The following MAML2 variants were observed in gnomAD, a reference collection of about 807,000 sequenced individuals.
MAML2 encodes mastermind-like protein 2.
Under a neutral mutation model 96.1 loss-of-function variants are expected in MAML2, and 22 were observed. That is an observed-to-expected ratio of 0.23 (90% CI 0.16 to 0.33). The LOEUF (loss-of-function observed/expected upper bound fraction) is 0.33, where lower values mean the gene tolerates loss of function less well. Ranked by LOEUF, MAML2 falls within the 10% of genes least tolerant of loss-of-function variation. MAML2 has a pLI of 1.00. For missense variants in MAML2, 1,367 were observed against 1,392.4 expected, an observed-to-expected ratio of 0.98 and a Z score of 0.29; for synonymous variants, 561 against 521.3, an observed-to-expected ratio of 1.08 and a Z score of -1.04.
At chr11:96,031,189 T>C (rs986707552) in intron 2 of MAML2, among the ~76,000 whole-genome samples, 2 of 152,232 alleles carry the variant, frequency 1.3e-5, no homozygotes, top group Non-Finnish European at 2.9e-5. Flanking sequence ...CTCAACAAAT[T>C]TGTGCAATTA....
intron 2 of MAML2, among the ~76,000 whole-genome samples, chr11:96,090,626 A>G (rs767578704): frequency 1.6e-4 from 24 of 152,230 alleles, no homozygotes; most frequent in Non-Finnish European, 2.8e-4. Context: ...GTAAAAAAAC[A>G]TATGTGTGTA....
chr11:96,148,472 A>T (rs1021472519), intron 1 of MAML2, among the ~76,000 whole-genome samples: 1 of 151,702 alleles, frequency 6.6e-6, no homozygotes, highest in Non-Finnish European at 1.5e-5. Flanking sequence ...AAAAAAAAAA[A>T]GCCTAGGTGT....
chr11:96,200,059 G>C (rs1436206165), intron 1 of MAML2, among the ~76,000 whole-genome samples: 1 of 152,006 alleles, frequency 6.6e-6, no homozygotes, highest in Non-Finnish European at 1.5e-5. Context: ...ATCAACTCAG[G>C]TAAATTAAGA....
intron 1 of MAML2, among the ~76,000 whole-genome samples, chr11:96,194,975 T>C (rs2135924771): frequency 6.6e-6 from 1 of 152,332 alleles, no homozygotes; most frequent in South Asian, 2.1e-4. Flanking sequence ...GGAAAACAGA[T>C]TAAAAATATT....
At chr11:96,007,206 T>C (rs113005239) in intron 2 of MAML2, among the ~76,000 whole-genome samples, 30,126 of 148,552 alleles carry the variant, frequency 0.2, 3,254 homozygotes, top group East Asian at 0.37. Flanking sequence ...AGAGATGAGG[T>C]TTCACCATGT....
chr11:96,064,235 C>A (rs893399316), intron 2 of MAML2, among the ~76,000 whole-genome samples: 5 of 152,160 alleles, frequency 3.3e-5, no homozygotes, highest in African/African-American at 1.2e-4. Context: ...CAGTAATGAA[C>A]CATCTGTGTT....
intron 1 of MAML2, among the ~76,000 whole-genome samples, chr11:96,132,250 C>T (rs567211497): frequency 5.9e-5 from 9 of 152,116 alleles, no homozygotes; most frequent in South Asian, 2.1e-4. Context: ...TGTTGCAGTA[C>T]CTTTTACCCT....
At chr11:96,278,743 T>C (rs776057766) in intron 1 of MAML2, among the ~76,000 whole-genome samples, 4 of 152,192 alleles carry the variant, frequency 2.6e-5, no homozygotes, top group Non-Finnish European at 4.4e-5. Context: ...AGTAGTTTAA[T>C]TCAGCAATAC....
In MAML2 at chr11:96,342,962, G is replaced by A; in HGVS notation, c.-1067C>T. The A allele has an allele frequency of 2.6e-6, 1 of 385,272 alleles. No individual in the cohort carries two copies. Among genetic ancestry groups the A allele is most frequent in the Non-Finnish European group, 4.6e-6 (1 of 218,198 alleles). 23.9% of individuals were successfully genotyped at this position (385,272 alleles called of 1,614,324 possible). On this transcript the variant is annotated 5_prime_UTR_variant, in exon 1 of 5. Transcript: ENST00000524717. Reference sequence around the variant, plus strand: ...TCCAGCCACTTTTCTGTCCACTTTTGTACATTCCATCCCCGGCCAGTGGAT... The same window carrying A: ...TCCAGCCACTTTTCTGTCCACTTTTATACATTCCATCCCCGGCCAGTGGAT...
At position 95,985,503 on chromosome 11, in the gene MAML2, A is replaced by ATTTTTATTAAT; in HGVS notation, c.2455+17_2455+27dup. The stretch of plus-strand genomic sequence containing the variant: ...GTTTTTTTTTCCTTTCACAGCTATA[A>ATTTTTATTAAT]TTTTTATTAATTTTTAAGAACACTT... On this transcript the variant is annotated intron_variant, in intron 4 of 4. Transcript: ENST00000524717. 3.6e-6 allele frequency: 5 copies of ATTTTTATTAAT among 1,379,948 alleles called. 1 individual carries two copies. Among genetic ancestry groups the ATTTTTATTAAT allele is most frequent in the Non-Finnish European group, 5.0e-6 (5 of 997,220 alleles). 85.5% of individuals were successfully genotyped at this position (1,379,948 alleles called of 1,614,324 possible). A position where few individuals can be genotyped will look rare whatever the true frequency, so the allele number is the denominator to read the frequency against.
chr11:96,239,738 G>C (rs1241104824), intron 1 of MAML2, among the ~76,000 whole-genome samples: 1 of 152,152 alleles, frequency 6.6e-6, no homozygotes, highest in African/African-American at 2.4e-5. Context: ...ATGTCATAGA[G>C]CAGCAGTGGT....
intron 1 of MAML2, among the ~76,000 whole-genome samples, chr11:96,189,840 T>C (rs1383686385): frequency 1.3e-5 from 2 of 152,230 alleles, no homozygotes; most frequent in Non-Finnish European, 1.5e-5. Flanking sequence ...GGGATACTTA[T>C]ATTTTTATTC....
intron 1 of MAML2, among the ~76,000 whole-genome samples, chr11:96,326,681 TC>T (rs956847361): frequency 6.6e-6 from 1 of 151,490 alleles, no homozygotes; most frequent in African/African-American, 2.4e-5. Context: ...GCCCCTGTAA[TC>T]CCAGCTACTC....
At chr11:95,990,900 A>G (rs1459713175) in intron 3 of MAML2, among the ~76,000 whole-genome samples, 2 of 152,136 alleles carry the variant, frequency 1.3e-5, no homozygotes, top group African/African-American at 4.8e-5. Context: ...AGTGTGTGGG[A>G]AACACAATCT....
At chr11:96,077,251 C>T (rs980245558) in intron 2 of MAML2, among the ~76,000 whole-genome samples, 6 of 121,056 alleles carry the variant, frequency 5.0e-5, no homozygotes, top group African/African-American at 2.0e-4. Flanking sequence ...AAGACAGTCT[C>T]GCTCTGTCAC....
rs115716207 is a variant in MAML2, at chr11:96,122,143, T to C, written c.514-28626A>G. Among the ~76,000 whole-genome samples the C allele has an allele frequency of 2.8e-3, 429 of 151,930 alleles. 4 individuals are homozygous for C. Among genetic ancestry groups the C allele is most frequent in the African/African-American group, 1.0e-2 (413 of 41,438 alleles). Reference sequence around the variant, plus strand: ...CTATGATTTTAACTGGCCTGAGAACTGACCTGTGTATGTTAACTACTGCCC... The same window carrying C: ...CTATGATTTTAACTGGCCTGAGAACCGACCTGTGTATGTTAACTACTGCCC... On this transcript the variant is annotated intron_variant, in intron 1 of 4. Transcript: ENST00000524717.
At chr11:96,141,824 G>A (rs906998338) in intron 1 of MAML2, among the ~76,000 whole-genome samples, 2 of 152,186 alleles carry the variant, frequency 1.3e-5, no homozygotes, top group Admixed American at 6.5e-5. Flanking sequence ...TGTCCACATC[G>A]ATGGGCACTG....
intron 1 of MAML2, among the ~76,000 whole-genome samples, chr11:96,128,650 G>T (rs965545745): frequency 6.6e-6 from 1 of 152,042 alleles, no homozygotes; most frequent in Non-Finnish European, 1.5e-5. Flanking sequence ...TACCTTTTGT[G>T]GGATTGTGCT....
intron 1 of MAML2, among the ~76,000 whole-genome samples, chr11:96,147,675 T>C (rs1049826917): frequency 5.3e-5 from 8 of 152,254 alleles, no homozygotes; most frequent in African/African-American, 1.9e-4. Flanking sequence ...TCTCCATTGA[T>C]TTCTGGCTAA....
Sources: gnomAD v4.1 joint callset for allele counts (sites outside exome capture counted in the v4.1 genomes callset) on GRCh38, gnomAD v4.1.1 for gene constraint, MANE v1.5 for transcripts, NCBI Gene and HGNC (gene_info 2026-07-23, HGNC 2026-07-21) for gene names.